Variants in ENTPD7 observed in about 807,000 individuals in gnomAD.
The protein encoded by ENTPD7 is ectonucleoside triphosphate diphosphohydrolase 7, also known as NTPDase 7.
A neutral mutation model predicts 77.9 loss-of-function variants in ENTPD7; 53 were observed. The ratio of observed to expected loss-of-function variants is 0.68; its 90% confidence interval spans 0.55 to 0.85. The LOEUF (loss-of-function observed/expected upper bound fraction) is 0.85. ENTPD7 is among the 40% of genes least tolerant of loss of function. ENTPD7 has a pLI of 0.00. For missense variants in ENTPD7, 636 were observed against 743.7 expected, an observed-to-expected ratio of 0.86 and a Z score of 1.68; for synonymous variants, 248 against 274.9, an observed-to-expected ratio of 0.90 and a Z score of 0.97.
chr10:99,682,199 G>GT (rs11452695), intron 5 of ENTPD7, among the ~76,000 whole-genome samples: 126,828 of 145,338 alleles, frequency 0.87, 55,286 homozygotes, highest in Middle Eastern at 0.92. Context: ...GTCAACAGCA[G>GT]TTTTTTTTTT....
chr10:99,691,392 T>C lies in ENTPD7; in HGVS notation c.717T>C (p.Asp239=), dbSNP rs985391118. The C allele has an allele frequency of 5.0e-6, 8 of 1,613,366 alleles. No individual in the cohort carries two copies. The African/African-American group carries it at 6.7e-5, about 13-fold the overall frequency. The change falls in exon 8 of 13, where the codon GAT becomes GAC. Residue 239 remains aspartate, a synonymous_variant. Transcript: ENST00000370489. ...TTCTCTTATTTATTTCAGAATCAGATGCTGAGGCTACCCAGGAATTGGCAG... is the reference window on the plus strand; with the variant it reads ...TTCTCTTATTTATTTCAGAATCAGACGCTGAGGCTACCCAGGAATTGGCAG... ...LGRFDHEDES[D]AEATQELAAG...
intron 3 of ENTPD7, among the ~76,000 whole-genome samples, chr10:99,664,615 A>T (rs1035950316): frequency 6.0e-5 from 9 of 150,604 alleles, no homozygotes; most frequent in Non-Finnish European, 1.3e-4. Context: ...ATGCCTGGCT[A>T]ATTTTTTGTA....
At chr10:99,695,309 G>A (rs2035952533) in intron 8 of ENTPD7, among the ~76,000 whole-genome samples, 1 of 152,054 alleles carries the variant, frequency 6.6e-6, no homozygotes, top group African/African-American at 2.4e-5. Flanking sequence ...CTGATCATGA[G>A]GTCAAGAGAT....
rs546386122 is a variant in ENTPD7 at position 99,683,086 on chromosome 10, G to A, written c.549-2706G>A. Reference sequence around the variant, plus strand: ...GAAACTCTGAATATTAATATTTATTGTATCTAAAGAATTTTTAAAGAAATT... The same window carrying A: ...GAAACTCTGAATATTAATATTTATTATATCTAAAGAATTTTTAAAGAAATT... On this transcript the variant is annotated intron_variant, in intron 5 of 12. Transcript: ENST00000370489. 2.6e-5 allele frequency among the ~76,000 whole-genome samples: 4 copies of A among 151,990 alleles called. No individual in the cohort carries two copies. The South Asian group carries it at 8.3e-4, about 32-fold the overall frequency.
At chr10:99,698,106 C>T (rs1342084583) in intron 9 of ENTPD7, among the ~76,000 whole-genome samples, 2 of 152,164 alleles carry the variant, frequency 1.3e-5, no homozygotes, top group Non-Finnish European at 2.9e-5. Context: ...GCACATGGGC[C>T]ACTGCCGTGG....
chr10:99,659,829 G>A lies in ENTPD7; in HGVS notation c.-95-33G>A, dbSNP rs949814340. ...CGTGCAGGTTTGTCTCGTGGGCTCA[G>A]TCGGACAGAAGCCTGAAATCAAATC... On this transcript the variant is annotated intron_variant, in intron 1 of 12. Coordinates refer to ENST00000370489, the MANE Select transcript of ENTPD7 (RefSeq NM_020354.5). The surrounding 1 kb of genome is among the most constrained non-coding windows in gnomAD (Gnocchi z 4.1). The A allele has an allele frequency of 1.7e-4, 237 of 1,370,568 alleles. 1 individual carries two copies. The highest frequency in any genetic ancestry group is 2.2e-4 in the Admixed American group (11 of 49,964). The allele number at this position is 1,370,568 out of a possible 1,614,324, so 84.9% of individuals were successfully genotyped here. A position where few individuals can be genotyped will look rare whatever the true frequency, so the allele number is the denominator to read the frequency against.
chr10:99,691,001 T>C (rs2035875739), intron 7 of ENTPD7, among the ~76,000 whole-genome samples: 1 of 152,162 alleles, frequency 6.6e-6, no homozygotes, highest in Admixed American at 6.5e-5. Flanking sequence ...CTTTCTTTTT[T>C]TTATTTTGAG....
intron 2 of ENTPD7, chr10:99,660,278 T>A (rs2035462385): frequency 2.0e-6 from 2 of 982,216 alleles, no homozygotes; most frequent in African/African-American, 3.5e-5. Flanking sequence ...AACAAAGAAG[T>A]TTTTTTGTTT....
At chr10:99,683,209 C>G (rs746001634) in intron 5 of ENTPD7, among the ~76,000 whole-genome samples, 11 of 151,860 alleles carry the variant, frequency 7.2e-5, no homozygotes, top group Non-Finnish European at 2.9e-5. Flanking sequence ...GCCTCTAAGT[C>G]CAAGCGAGTT....
At chr10:99,672,304 G>T (rs180792911) in intron 3 of ENTPD7, among the ~76,000 whole-genome samples, 1 of 135,388 alleles carries the variant, frequency 7.4e-6, no homozygotes, top group African/African-American at 2.7e-5. Context: ...TCAGTTACTT[G>T]ATCTTTTTTT....
chr10:99,701,200 G>A, intron 11 of ENTPD7, 142 bp downstream of exon 11: 2 of 725,828 alleles, frequency 2.8e-6, no homozygotes, highest in East Asian at 2.7e-5. Flanking sequence ...CAGGGATAGG[G>A]GCCAAAATAG....
chr10:99,660,087 G>A, intron 2 of ENTPD7, 123 bp downstream of exon 2: 1 of 1,449,930 alleles, frequency 6.9e-7, no homozygotes, highest in Non-Finnish European at 9.5e-7. Flanking sequence ...TTTGTATTCT[G>A]GTTAGTTGGA....
At chr10:99,685,206 G>A (rs146327202) in intron 5 of ENTPD7, among the ~76,000 whole-genome samples, 19 of 152,294 alleles carry the variant, frequency 1.2e-4, no homozygotes, top group African/African-American at 4.1e-4. Flanking sequence ...GCAGTGAGCC[G>A]AGATCATGCC....
Position 99,709,681 on chromosome 10 carries a change from C to T in ENTPD7, c.*4998C>T, listed in dbSNP as rs1432290663. ...GCACCCTGTTTGGGTGTCCCATCTACCCTGTTTTCTGTTTCTGCAGATGGC... is the reference window on the plus strand; with the variant it reads ...GCACCCTGTTTGGGTGTCCCATCTATCCTGTTTTCTGTTTCTGCAGATGGC... On this transcript the variant is annotated 3_prime_UTR_variant, in exon 13 of 13. Transcript: ENST00000370489. 1.0e-6 allele frequency: 1 copy of T among 985,262 alleles called. No homozygotes were observed. The highest frequency in any genetic ancestry group is 1.7e-5 in the African/African-American group (1 of 57,212). 61.0% of individuals were successfully genotyped at this position (985,262 alleles called of 1,614,324 possible).
At chr10:99,685,253 G>T (rs1337886415) in intron 5 of ENTPD7, among the ~76,000 whole-genome samples, 1 of 152,024 alleles carries the variant, frequency 6.6e-6, no homozygotes, top group African/African-American at 2.4e-5. Context: ...GTGAAACTCC[G>T]TCTCAAAAAA....
rs572960933 is a variant in ENTPD7 at position 99,701,049 on chromosome 10, A to C, written c.1412A>C (p.His471Pro). The C allele has an allele frequency of 1.9e-6, 3 of 1,613,988 alleles. No individual in the cohort carries two copies. The African/African-American group carries it at 4.0e-5, about 22-fold the overall frequency. ...CTCTTTTCATCACATGCAGATGAGC[A>C]TCGACTCAAGTAAGTTACTTCCCTT... ...NGLFSSHADE[H>P]RLKYQCFKSA... is the part of the protein sequence containing the mutation. The change falls in exon 11 of 13, where the codon CAT becomes CCT. Residue 471 changes from histidine to proline, a missense_variant. Around this residue, in one of 3 missense-constraint regions of ENTPD7, gnomAD observed 12 missense variants for 36.3 expected, o/e 0.33. Transcript: ENST00000370489.
chr10:99,675,787 G>A (rs376206087), intron 3 of ENTPD7, among the ~76,000 whole-genome samples: 14 of 151,706 alleles, frequency 9.2e-5, no homozygotes, highest in Admixed American at 6.6e-4. Flanking sequence ...TAGTAGAGAC[G>A]GGGTTTCACC....
chr10:99,669,046 T>C (rs1438691921), intron 3 of ENTPD7, among the ~76,000 whole-genome samples: 1 of 149,330 alleles, frequency 6.7e-6, no homozygotes, highest in African/African-American at 2.4e-5. Flanking sequence ...ATATATCTTT[T>C]TTTTTTTTTT....
chr10:99,676,873 C>T (rs929238299), intron 3 of ENTPD7, among the ~76,000 whole-genome samples: 1 of 152,304 alleles, frequency 6.6e-6, no homozygotes, highest in East Asian at 1.9e-4. Context: ...GTTCTACCTA[C>T]CCCTACTCTC....
Sources: allele counts gnomAD v4.1 joint callset (sites outside exome capture counted in the v4.1 genomes callset), GRCh38; gene constraint gnomAD v4.1.1; regional missense constraint gnomAD v4.1.1; non-coding constraint Gnocchi (gnomAD v3.1); transcripts MANE v1.5; gene names NCBI Gene and HGNC (gene_info 2026-07-23, HGNC 2026-07-21).